The following TARS1 variants were observed in gnomAD, a reference collection of about 807,000 sequenced individuals.
The protein encoded by TARS1 is threonine--tRNA ligase 1, cytoplasmic.
Under a neutral mutation model 97.7 loss-of-function variants are expected in TARS1, and 57 were observed. That is an observed-to-expected ratio of 0.58 (90% CI 0.47 to 0.73). The LOEUF is 0.73. TARS1 is among the 30% of genes least tolerant of loss of function. TARS1 has a pLI of 0.00. For synonymous variants in TARS1, 312 were observed against 293.7 expected, an observed-to-expected ratio of 1.06 and a Z score of -0.64; for missense variants, 806 against 888.3, an observed-to-expected ratio of 0.91 and a Z score of 1.18.
At chr5:33,449,826 T>C (rs1032772934) in intron 3 of TARS1, among the ~76,000 whole-genome samples, 24 of 152,346 alleles carry the variant, frequency 1.6e-4, no homozygotes, top group African/African-American at 5.5e-4. Flanking sequence ...GAGACCATGT[T>C]TGGCCTGCAA....
At position 33,456,161 on chromosome 5, in the gene TARS1, G is replaced by A. The variant is rs775600448; in HGVS notation, c.771G>A (p.Leu257=). 2 of 1,613,954 alleles carry A rather than the reference G, an allele frequency of 1.2e-6. No individual in the cohort carries two copies. Among genetic ancestry groups the A allele is most frequent in the Admixed American group, 3.3e-5 (2 of 59,994 alleles). Residue 257 remains leucine, a synonymous_variant, in exon 8 of 19, where the codon TTG becomes TTA. Transcript: ENST00000265112. Reference sequence around the variant, plus strand: ...ATTTTATCTTTAGATGTGGCCCTTTGATAGATCTCTGCCGGGGTCCTCATG... The same window carrying A: ...ATTTTATCTTTAGATGTGGCCCTTTAATAGATCTCTGCCGGGGTCCTCATG... ...PTTTVYRCGP[L]IDLCRGPHVR... is the part of the protein sequence containing the mutation.
chr5:33,459,928 T>C lies in TARS1; in HGVS notation c.1250+67T>C, dbSNP rs995503663. On this transcript the variant is annotated intron_variant, in intron 11 of 18. Coordinates refer to ENST00000265112, the MANE Select transcript of TARS1 (RefSeq NM_152295.5). The stretch of plus-strand genomic sequence containing the variant: ...CTACAATTCATCCTGGGTTCTTCCC[T>C]CCTTTAACAACATTTTCATTAAAAA... 4.5e-5 allele frequency: 68 copies of C among 1,524,282 alleles called. No homozygotes were observed. In the African/African-American group the frequency reaches 8.2e-4, roughly 18 times the overall value. 94.4% of individuals were successfully genotyped at this position (1,524,282 alleles called of 1,614,324 possible). A position where few individuals can be genotyped will look rare whatever the true frequency, so the allele number is the denominator to read the frequency against.
chr5:33,453,283 T>TTA lies in TARS1; in HGVS notation c.330-5_330-4insAT. The TTA allele has an allele frequency of 6.4e-7, 1 of 1,556,892 alleles. No homozygotes were observed. The highest frequency in any genetic ancestry group is 2.1e-5 in the Admixed American group (1 of 46,682). On this transcript the variant is annotated splice_region_variant and splice_polypyrimidine_tract_variant and intron_variant, in intron 3 of 18. Transcript: ENST00000265112. Reference sequence around the variant, plus strand: ...GTGGACTTTTTTTTTTTTTTTTTTTTTTAAGTCAAGGCCTGGCCGACAACA... The same window carrying TTA: ...GTGGACTTTTTTTTTTTTTTTTTTTTTATTAAGTCAAGGCCTGGCCGACAACA...
chr5:33,461,036 A>G lies in TARS1; in HGVS notation c.1385A>G (p.Asp462Gly). ...LTRVRRFQQDDAHIFCAMEQI... is the reference protein window; with the variant it reads ...LTRVRRFQQDGAHIFCAMEQI... ...CGGGTACGAAGATTCCAACAGGATG[A>G]TGCTCACATATTCTGTGCCATGGAG... is the stretch of plus-strand genomic sequence containing the variant. Residue 462 changes from aspartate (D) to glycine (G), a missense_variant, in exon 12 of 19, where the codon GAT becomes GGT. Asp to Gly is a moderately conservative substitution (Grantham distance 94). Coordinates refer to ENST00000265112, the MANE Select transcript of TARS1 (RefSeq NM_152295.5). 6.2e-7 allele frequency: 1 copy of G among 1,614,216 alleles called. No homozygotes were observed. Among genetic ancestry groups the G allele is most frequent in the Non-Finnish European group, 8.5e-7 (1 of 1,180,038 alleles).
chr5:33,462,150 G>T lies in TARS1; in HGVS notation c.1782G>T (p.Leu594Phe). 6.2e-7 allele frequency: 1 copy of T among 1,613,132 alleles called. No homozygotes were observed. The highest frequency in any genetic ancestry group is 8.5e-7 in the Non-Finnish European group (1 of 1,179,916). Residue 594 changes from leucine to phenylalanine, a missense_variant, in exon 16 of 19, where the codon TTG becomes TTT. By Grantham distance (22) the Leu-to-Phe change is conservative. This residue lies in a region of TARS1 where 446 missense variants were observed against 511.0 expected (regional missense o/e 0.87). Coordinates refer to ENST00000265112, the MANE Select transcript of TARS1 (RefSeq NM_152295.5). The part of the protein sequence containing the change: ...KRPVIVHRAI[L>F]GSVERMIAIL... ...CAGTGATTGTTCATCGAGCCATCTTGGGATCAGTGGAAAGAATGATTGCTA... is the reference window on the plus strand; with the variant it reads ...CAGTGATTGTTCATCGAGCCATCTTTGGATCAGTGGAAAGAATGATTGCTA...
chr5:33,445,998 CA>C (rs1561067907), intron 2 of TARS1: 1 of 153,604 alleles, frequency 6.5e-6, no homozygotes, highest in Admixed American at 6.4e-5. Context: ...TTTGCTTTTA[CA>C]GGCAGTTAAG....
Position 33,457,388 on chromosome 5 carries a change from TA to T in TARS1, c.970del (p.Arg324GlyfsTer49). 6.2e-7 allele frequency: 1 copy of T among 1,614,026 alleles called. No individual in the cohort carries two copies. Among genetic ancestry groups the T allele is most frequent in the Non-Finnish European group, 8.5e-7 (1 of 1,179,966 alleles). ...FQEEAKNRDH[R>X]KIGRDQELYF... ...AAGAGGAAGCTAAAAACCGAGATCA[TA>T]GGAAAATTGGCAGGGTATGTTCAAG... On this transcript the variant is annotated frameshift_variant, in exon 9 of 19. Coordinates refer to ENST00000265112, the MANE Select transcript of TARS1 (RefSeq NM_152295.5). LOFTEE classifies it high-confidence loss of function.
intron 1 of TARS1, among the ~76,000 whole-genome samples, chr5:33,443,320 C>CTCTCTCTCTCTCTCTCTCTCTCTCTCT (rs1741220535): frequency 1.7e-5 from 2 of 118,486 alleles, no homozygotes; most frequent in Non-Finnish European, 3.5e-5. Flanking sequence ...TCTCTCTCTC[C>CTCTCTCTCTCTCTCTCTCTCTCTCTCT]CTCTCTCTCT....
At chr5:33,467,422 TG>T in intron 18 of TARS1, 137 bp from the exon 19 acceptor site, 1 of 889,274 alleles carries the variant, frequency 1.1e-6, no homozygotes, top group Non-Finnish European at 1.6e-6. Context: ...TATCAACACA[TG>T]GTCACTTGTA....
intron 3 of TARS1, among the ~76,000 whole-genome samples, chr5:33,449,769 A>G (rs1009684823): frequency 6.6e-6 from 1 of 152,014 alleles, no homozygotes; most frequent in Non-Finnish European, 1.5e-5. Context: ...ATGATTCTTA[A>G]ATTTTTAAAT....
intron 1 of TARS1, among the ~76,000 whole-genome samples, chr5:33,442,190 T>G (rs1004240383): frequency 6.6e-6 from 1 of 152,188 alleles, no homozygotes; most frequent in African/African-American, 2.4e-5. Flanking sequence ...TTTTCTTGAT[T>G]GTCCACTCGA....
Position 33,467,935 on chromosome 5 carries a change from G to C in TARS1, c.*227G>C. The C allele has an allele frequency of 4.7e-6, 2 of 425,688 alleles. No homozygotes were observed. The highest frequency in any genetic ancestry group is 8.5e-5 in the Admixed American group (2 of 23,554). The allele number at this position is 425,688 out of a possible 1,614,324, so 26.4% of individuals were successfully genotyped here. A position where few individuals can be genotyped will look rare whatever the true frequency, so the allele number is the denominator to read the frequency against. ...CCAATAAAATGATTTTACTCATTCA[G>C]TATCTGAGTACTGGAAGTGAAACAT... On this transcript the variant is annotated 3_prime_UTR_variant, in exon 19 of 19. Transcript: ENST00000265112.
intron 5 of TARS1, 50 bp from the exon 6 acceptor site, chr5:33,455,537 C>A: frequency 1.6e-6 from 2 of 1,243,636 alleles, no homozygotes; most frequent in South Asian, 1.5e-5. Context: ...TTTTCGAAGC[C>A]ATGGTGTGAT....
At chr5:33,451,169 G>A (rs1041768882) in intron 3 of TARS1, among the ~76,000 whole-genome samples, 1 of 152,120 alleles carries the variant, frequency 6.6e-6, no homozygotes, top group South Asian at 2.1e-4. Flanking sequence ...TTTAGCTCTG[G>A]AGTTAAGTCA....
chr5:33,455,444 G>T, intron 5 of TARS1, 143 bp from the exon 6 acceptor site: 1 of 538,966 alleles, frequency 1.9e-6, no homozygotes, highest in Non-Finnish European at 3.2e-6. Context: ...GTTTTGTTTA[G>T]AATTCTAAGA....
In TARS1 at chr5:33,461,246, GC is replaced by G; in HGVS notation, c.1505del (p.Pro502ArgfsTer22). The G allele has an allele frequency of 1.2e-6, 2 of 1,613,766 alleles. No individual in the cohort carries two copies. The highest frequency in any genetic ancestry group is 1.7e-6 in the Non-Finnish European group (2 of 1,179,958). On this transcript the variant is annotated frameshift_variant, in exon 13 of 19. Coordinates refer to ENST00000265112, the MANE Select transcript of TARS1 (RefSeq NM_152295.5). LOFTEE classifies it high-confidence loss of function. ...GFSFKLNLST[R>X]PEKFLGDIEV... is the part of the protein sequence containing the mutation. ...TCTTTTAAACTAAACCTTTCTACTC[GC>G]CCGGAAAAATTCCTTGGAGATATCG...
At chr5:33,444,972 C>T (rs1741342083) in intron 1 of TARS1, among the ~76,000 whole-genome samples, 1 of 151,572 alleles carries the variant, frequency 6.6e-6, no homozygotes, top group South Asian at 2.1e-4. Context: ...TTTTTTTCCC[C>T]TGGAAATATG....
Position 33,466,924 on chromosome 5 carries a change from A to C in TARS1, c.1962A>C (p.Pro654=). Reference sequence around the variant, plus strand: ...TCATGGCAGACATTGATCTGGATCCAGGCTGTACATTGAATAAAAAGATTC... The same window carrying C: ...TCATGGCAGACATTGATCTGGATCCCGGCTGTACATTGAATAAAAAGATTC... ...AKFMADIDLD[P]GCTLNKKIRN... Residue 654 remains proline (P), a synonymous_variant, in exon 18 of 19, where the codon CCA becomes CCC. Coordinates refer to ENST00000265112, the MANE Select transcript of TARS1 (RefSeq NM_152295.5). 1 of 1,606,686 alleles carries C rather than the reference A, an allele frequency of 6.2e-7. No homozygotes were observed. The highest frequency in any genetic ancestry group is 8.5e-7 in the Non-Finnish European group (1 of 1,176,760).
At chr5:33,440,937 A>T, upstream of TARS1, 1 of 816,208 alleles carries the variant, frequency 1.2e-6, no homozygotes, top group East Asian at 2.7e-5. Context: ...TTCCGCCGCA[A>T]GTTGGGGGCG....
Sources: allele counts gnomAD v4.1 joint callset (sites outside exome capture counted in the v4.1 genomes callset), GRCh38; gene constraint gnomAD v4.1.1; regional missense constraint gnomAD v4.1.1; transcripts MANE v1.5; gene names NCBI Gene and HGNC (gene_info 2026-07-23, HGNC 2026-07-21).